Variants in USP9X observed in about 807,000 individuals in gnomAD.
The protein encoded by USP9X is ubiquitin carboxyl-terminal hydrolase 9X.
Under a neutral mutation model 190.3 loss-of-function variants are expected in USP9X, and 7 were observed. That is an observed-to-expected ratio of 0.04 (90% CI 0.02 to 0.07). The LOEUF (loss-of-function observed/expected upper bound fraction) is 0.07. USP9X is among the 10% of genes least tolerant of loss of function. USP9X has a pLI of 1.00. For synonymous variants in USP9X, 645 were observed against 659.5 expected (o/e 0.98, Z 0.34); for missense variants, 1,010 against 1,916.9 (o/e 0.53, Z 8.83).
chrX:41,100,015 C>T (rs376642450), intron 1 of USP9X, among the ~76,000 whole-genome samples: 40 of 112,040 alleles, frequency 3.6e-4, no homozygotes, highest in Non-Finnish European at 6.2e-4. Flanking sequence ...AGCTTCAACT[C>T]ATGGCTAGTC....
chrX:41,195,584 T>C (rs778388384), intron 26 of USP9X, among the ~76,000 whole-genome samples: 1 of 111,532 alleles, frequency 9.0e-6, no homozygotes, highest in East Asian at 2.8e-4. Context: ...GAAGACAATT[T>C]TTCCGTGGAT....
At chrX:41,130,558 G>A (rs1388005794) in intron 3 of USP9X, among the ~76,000 whole-genome samples, 4 of 102,888 alleles carry the variant, frequency 3.9e-5, no homozygotes, top group African/African-American at 1.4e-4. Context: ...GTGTGATCTC[G>A]GCTCACTGCA....
intron 21 of USP9X, among the ~76,000 whole-genome samples, chrX:41,176,050 C>T (rs1230825365): frequency 9.0e-6 from 1 of 111,344 alleles, no homozygotes; most frequent in Non-Finnish European, 1.9e-5. Context: ...GCCACCATGC[C>T]TGGCCAAACT....
chrX:41,175,574 G>A (rs1338289442), intron 21 of USP9X, among the ~76,000 whole-genome samples: 6 of 110,620 alleles, frequency 5.4e-5, no homozygotes, highest in African/African-American at 1.6e-4. Context: ...TACCCTCTCT[G>A]CCCCAGTCCT....
intron 32 of USP9X, among the ~76,000 whole-genome samples, chrX:41,206,629 G>C (rs1355766416): frequency 1.8e-5 from 2 of 111,072 alleles, no homozygotes; most frequent in African/African-American, 6.5e-5. Flanking sequence ...GGCTTGATCA[G>C]ATTGTGGTAT....
intron 21 of USP9X, among the ~76,000 whole-genome samples, chrX:41,182,410 C>CTCTTCTTTTTT (rs1194024854): frequency 9.1e-6 from 1 of 109,428 alleles, no homozygotes; most frequent in Non-Finnish European, 1.9e-5. Context: ...TTTTCTTGAG[C>CTCTTCTTTTTT]TCTTCTTTTT....
chrX:41,124,393 G>A (rs186750481), intron 2 of USP9X, among the ~76,000 whole-genome samples: 15 of 111,083 alleles, frequency 1.4e-4, no homozygotes, highest in Admixed American at 1.3e-3. Context: ...GCAGTGAGCC[G>A]AGATGGTGCC....
At chrX:41,156,064 A>G (rs1453967014) in intron 14 of USP9X, among the ~76,000 whole-genome samples, 2 of 112,549 alleles carry the variant, frequency 1.8e-5, no homozygotes, top group Non-Finnish European at 3.8e-5. Flanking sequence ...CACGTCTGGA[A>G]TGGCAGAATA....
At chrX:41,192,674 G>C (rs1296501942) in intron 26 of USP9X, among the ~76,000 whole-genome samples, 1 of 111,794 alleles carries the variant, frequency 8.9e-6, no homozygotes. Context: ...TGATGTTAAT[G>C]TGGTGTAGGC....
chrX:41,194,292 C>T (rs774701569), intron 26 of USP9X, among the ~76,000 whole-genome samples: 2 of 112,019 alleles, frequency 1.8e-5, no homozygotes, highest in African/African-American at 3.2e-5. Context: ...CAGTGACTCA[C>T]GCCTGTAATC....
At chrX:41,229,921 C>A in intron 43 of USP9X, 142 bp downstream of exon 43, 1 of 1,057,225 alleles carries the variant, frequency 9.5e-7, no homozygotes, top group Non-Finnish European at 1.3e-6. Context: ...GTTTATTCGG[C>A]TGGGCATGGT....
intron 1 of USP9X, among the ~76,000 whole-genome samples, chrX:41,108,136 A>T (rs112799011): frequency 2.7e-5 from 3 of 111,025 alleles, no homozygotes; most frequent in Non-Finnish European, 5.7e-5. Flanking sequence ...TTGCTTCCTT[A>T]TTTATGTAGT....
intron 4 of USP9X, among the ~76,000 whole-genome samples, chrX:41,132,244 T>C (rs2062325775): frequency 9.2e-6 from 1 of 109,265 alleles, no homozygotes; most frequent in Non-Finnish European, 1.9e-5. Context: ...AAGCAATCAT[T>C]CTGCCTCAGC....
At chrX:41,123,845 C>T in intron 2 of USP9X, 121 bp downstream of exon 2, 1 of 640,448 alleles carries the variant, frequency 1.6e-6, no homozygotes, top group Non-Finnish European at 2.3e-6. Context: ...GAGTTTGAGA[C>T]CAGCCTGGTC....
intron 17 of USP9X, 71 bp downstream of exon 17, chrX:41,167,648 A>G (rs1283272131): frequency 5.3e-6 from 4 of 752,495 alleles, no homozygotes; most frequent in Non-Finnish European, 5.7e-6. Flanking sequence ...TACAAAAGAG[A>G]AAAAATATTA....
chrX:41,180,244 T>G (rs189497246), intron 21 of USP9X, among the ~76,000 whole-genome samples: 2 of 112,691 alleles, frequency 1.8e-5, no homozygotes, highest in East Asian at 2.8e-4. Flanking sequence ...GTCTGTTACA[T>G]CGTTTAGAAT....
chrX:41,223,688 C>T lies in USP9X; in HGVS notation c.6751+286C>T, dbSNP rs748688177. ...CTGACCTCAGGTGATCTGCCGTCCTCGGCCTCCCAAAGTGCTGGGATTACA... is the reference window on the plus strand; with the variant it reads ...CTGACCTCAGGTGATCTGCCGTCCTTGGCCTCCCAAAGTGCTGGGATTACA... On this transcript the variant is annotated intron_variant, in intron 39 of 44. Coordinates refer to ENST00000378308, the MANE Select transcript of USP9X (RefSeq NM_001039591.3). 2.7e-5 allele frequency among the ~76,000 whole-genome samples: 3 copies of T among 111,620 alleles called. No homozygotes were observed. The East Asian group carries it at 8.5e-4, about 31-fold the overall frequency.
In USP9X at chrX:41,188,104, A is replaced by G. The variant is rs765979381; in HGVS notation, c.3797A>G (p.Lys1266Arg). 1 of 1,207,436 alleles carries G rather than the reference A, an allele frequency of 8.3e-7. No homozygotes were observed. The highest frequency in any genetic ancestry group is 2.2e-5 in the Admixed American group (1 of 45,811). ...LVFSPNEEIT[K>R]IYEKTNAGNE... is the part of the protein sequence containing the mutation. ...TTTAGCCCAAATGAAGAAATCACTA[A>G]AATTTATGAGAAGGTAAGAATTATC... Residue 1266 changes from lysine to arginine, a missense_variant, in exon 25 of 45, where the codon AAA becomes AGA. Lys to Arg is a conservative substitution (Grantham distance 26). This residue lies in a region of USP9X where 351 missense variants were observed against 480.8 expected (regional missense o/e 0.73). Transcript: ENST00000378308.
At chrX:41,148,862 G>A (rs1333056662) in intron 12 of USP9X, among the ~76,000 whole-genome samples, 3 of 111,852 alleles carry the variant, frequency 2.7e-5, no homozygotes, top group African/African-American at 6.5e-5. Context: ...AATAGAATTC[G>A]AATGTTAAAG....
Sources: allele counts gnomAD v4.1 joint callset (sites outside exome capture counted in the v4.1 genomes callset), GRCh38; gene constraint gnomAD v4.1.1; regional missense constraint gnomAD v4.1.1; transcripts MANE v1.5; gene names NCBI Gene and HGNC (gene_info 2026-07-23, HGNC 2026-07-21).